Variants in SERINC1 observed in about 807,000 individuals in gnomAD.
SERINC1 encodes the protein tumor differentially expressed protein 2.
Under a neutral mutation model 52.9 loss-of-function variants are expected in SERINC1, and 38 were observed. That is an observed-to-expected ratio of 0.72 (90% CI 0.55 to 0.94). SERINC1 has a LOEUF of 0.94. Ranked by LOEUF, SERINC1 falls within the 40% of genes least tolerant of loss-of-function variation. SERINC1 has a pLI of 0.00. For missense variants in SERINC1, 471 were observed against 533.9 expected (o/e 0.88, Z 1.16); for synonymous variants, 198 against 183.1 (o/e 1.08, Z -0.66).
chr6:122,455,551 C>G (rs1774979224), intron 3 of SERINC1, among the ~76,000 whole-genome samples: 7 of 152,072 alleles, frequency 4.6e-5, no homozygotes, highest in Admixed American at 4.6e-4. Context: ...TGCAGATGGC[C>G]TATTGTGGGA....
At position 122,451,904 on chromosome 6, in the gene SERINC1, A is replaced by G. The variant is rs1384596107; in HGVS notation, c.743T>C (p.Ile248Thr). The G allele has an allele frequency of 5.7e-6, 9 of 1,571,198 alleles. No individual in the cohort carries two copies. Among genetic ancestry groups the G allele is most frequent in the Non-Finnish European group, 7.7e-6 (9 of 1,161,834 alleles). ...LLCVGASVMS[I>T]LPKIQESQPR... ...AGGGCATACTTGGATTTTTGGCAGTATAGACATTACAGAAGCACCAACGCA... is the reference window on the plus strand; with the variant it reads ...AGGGCATACTTGGATTTTTGGCAGTGTAGACATTACAGAAGCACCAACGCA... The change falls in exon 6 of 10, where the codon ATA (isoleucine) becomes ACA (threonine). Residue 248 changes from isoleucine to threonine, a missense_variant. Physicochemically the swap from Ile to Thr is moderately conservative, Grantham distance 89. Coordinates refer to ENST00000339697, the MANE Select transcript of SERINC1 (RefSeq NM_020755.4).
At chr6:122,450,523 G>C (rs529068347) in intron 7 of SERINC1, among the ~76,000 whole-genome samples, 3 of 152,074 alleles carry the variant, frequency 2.0e-5, no homozygotes, top group Non-Finnish European at 4.4e-5. Flanking sequence ...TAATTTCAAC[G>C]TTTAAATCTT....
intron 3 of SERINC1, chr6:122,454,656 G>A: frequency 6.3e-6 from 1 of 159,438 alleles, no homozygotes. Context: ...GCTCTGAGCT[G>A]ACATTGATTC....
At position 122,447,039 on chromosome 6, in the gene SERINC1, A is replaced by C. The variant is rs1362291161; in HGVS notation, c.996-35T>G. The stretch of plus-strand genomic sequence containing the variant: ...AGAGAGTTTAGGAGGAGAGAAAAAA[A>C]AGAACATTTTTAAAAGAAATGATTC... On this transcript the variant is annotated intron_variant, in intron 8 of 9. Transcript: ENST00000339697. 2.5e-6 allele frequency: 4 copies of C among 1,581,820 alleles called. No homozygotes were observed. In the South Asian group the frequency reaches 4.5e-5, roughly 18 times the overall value.
chr6:122,452,194 AG>A, intron 5 of SERINC1, 137 bp from the exon 6 acceptor site: 1 of 524,954 alleles, frequency 1.9e-6, no homozygotes, highest in Middle Eastern at 5.3e-4. Context: ...AGCATTATAA[AG>A]GCTATAAAAG....
At chr6:122,457,436 T>C (rs1286630937) in intron 2 of SERINC1, among the ~76,000 whole-genome samples, 2 of 152,196 alleles carry the variant, frequency 1.3e-5, no homozygotes, top group Non-Finnish European at 2.9e-5. Context: ...TCATGTTTTC[T>C]ACTTACTGCT....
At chr6:122,446,733 T>A in intron 9 of SERINC1, 41 bp downstream of exon 9, 1 of 1,314,718 alleles carries the variant, frequency 7.6e-7, no homozygotes, top group Non-Finnish European at 1.1e-6. Context: ...TAAAATGCCA[T>A]CAGAATTCAC....
At chr6:122,462,725 C>T (rs747603835) in intron 1 of SERINC1, among the ~76,000 whole-genome samples, 8 of 152,104 alleles carry the variant, frequency 5.3e-5, no homozygotes, top group South Asian at 2.1e-4. Flanking sequence ...CATGTTTCTA[C>T]GTATTAGTAA....
intron 5 of SERINC1, among the ~76,000 whole-genome samples, chr6:122,452,394 A>G (rs1774927016): frequency 6.6e-6 from 1 of 152,224 alleles, no homozygotes; most frequent in African/African-American, 2.4e-5. Flanking sequence ...AATAACTATA[A>G]GAGGAATATT....
chr6:122,467,564 G>A (rs144094079), intron 1 of SERINC1, among the ~76,000 whole-genome samples: 12 of 152,154 alleles, frequency 7.9e-5, no homozygotes, highest in African/African-American at 2.4e-4. Flanking sequence ...CTGAGATCGC[G>A]CCACTGCACT....
intron 7 of SERINC1, 80 bp downstream of exon 7, chr6:122,451,584 T>C (rs1582631329): frequency 1.9e-6 from 1 of 534,192 alleles, no homozygotes; most frequent in East Asian, 4.5e-5. Context: ...TTTTAAGTAA[T>C]TTAATCTCAC....
Position 122,458,736 on chromosome 6 carries a change from C to T in SERINC1, c.40-55G>A, listed in dbSNP as rs893703283. On this transcript the variant is annotated intron_variant, in intron 1 of 9. Coordinates refer to ENST00000339697, the MANE Select transcript of SERINC1 (RefSeq NM_020755.4). ...ATTAAGAATCAGTAAATCACTATAT[C>T]TTAAAATGATACAATGAAAATTGAC... The T allele has an allele frequency of 3.4e-6, 4 of 1,193,938 alleles. No individual in the cohort carries two copies. The Admixed American group carries it at 9.0e-5, about 27-fold the overall frequency. 74.0% of individuals were successfully genotyped at this position (1,193,938 alleles called of 1,614,324 possible). A position where few individuals can be genotyped will look rare whatever the true frequency, so the allele number is the denominator to read the frequency against.
At chr6:122,460,460 A>T (rs1013405514) in intron 1 of SERINC1, among the ~76,000 whole-genome samples, 2 of 152,192 alleles carry the variant, frequency 1.3e-5, no homozygotes, top group Non-Finnish European at 2.9e-5. Context: ...AAACTTTGTA[A>T]TCCATGAGGC....
intron 4 of SERINC1, 82 bp downstream of exon 4, chr6:122,454,065 GACAA>G: frequency 8.5e-7 from 1 of 1,178,886 alleles, no homozygotes; most frequent in Non-Finnish European, 1.2e-6. Flanking sequence ...CAAACAAAAA[GACAA>G]ACAATTATAG....
chr6:122,444,939 A>G lies in SERINC1; in HGVS notation c.*105T>C, dbSNP rs1774757764. ...AATCTAATTCATGCCAGAACACTGG[A>G]GAAGTTACATGGGAAGCAAAAACAT... On this transcript the variant is annotated 3_prime_UTR_variant, in exon 10 of 10. Transcript: ENST00000339697. 9.5e-7 allele frequency: 1 copy of G among 1,056,382 alleles called. No individual in the cohort carries two copies. The highest frequency in any genetic ancestry group is 1.4e-6 in the Non-Finnish European group (1 of 729,088). The allele number at this position is 1,056,382 out of a possible 1,614,324, so 65.4% of individuals were successfully genotyped here. A position where few individuals can be genotyped will look rare whatever the true frequency, so the allele number is the denominator to read the frequency against.
chr6:122,456,662 A>G lies in SERINC1; in HGVS notation c.202-12T>C. ...CAAAATCCAGGAATCTAGAAAAACA[A>G]AAGAGTTTATGATCCATCATTTTTT... On this transcript the variant is annotated splice_polypyrimidine_tract_variant and intron_variant, in intron 2 of 9. Coordinates refer to ENST00000339697, the MANE Select transcript of SERINC1 (RefSeq NM_020755.4). The G allele has an allele frequency of 1.9e-6, 3 of 1,560,508 alleles. No homozygotes were observed. Among genetic ancestry groups the G allele is most frequent in the Non-Finnish European group, 2.6e-6 (3 of 1,158,778 alleles).
chr6:122,455,546 A>AT lies in SERINC1; in HGVS notation c.371+934dup, dbSNP rs141063301. On this transcript the variant is annotated intron_variant, in intron 3 of 9. Coordinates refer to ENST00000339697, the MANE Select transcript of SERINC1 (RefSeq NM_020755.4). The stretch of plus-strand genomic sequence containing the variant: ...GCTCTCCTTGCTCCTCAGCTTGCAG[A>AT]TGGCCTATTGTGGGACCTTGAGATC... Among the ~76,000 whole-genome samples the AT allele has an allele frequency of 5.0e-3, 755 of 152,214 alleles. 7 individuals are homozygous for AT. Among genetic ancestry groups the AT allele is most frequent in the African/African-American group, 0.017 (713 of 41,524 alleles).
At chr6:122,468,942 C>T (rs1474078318) in intron 1 of SERINC1, among the ~76,000 whole-genome samples, 1 of 151,984 alleles carries the variant, frequency 6.6e-6, no homozygotes, top group Admixed American at 6.6e-5. Context: ...AATGTTGAGA[C>T]TGGGATGGGG....
intron 9 of SERINC1, 73 bp from the exon 10 acceptor site, chr6:122,445,252 A>G (rs564801213): frequency 2.1e-6 from 3 of 1,434,662 alleles, no homozygotes; most frequent in African/African-American, 1.4e-5. Flanking sequence ...ATGAAGCTTC[A>G]TTAATTCAGA....
Sources: allele counts gnomAD v4.1 joint callset (sites outside exome capture counted in the v4.1 genomes callset), GRCh38; gene constraint gnomAD v4.1.1; transcripts MANE v1.5; gene names NCBI Gene and HGNC (gene_info 2026-07-23, HGNC 2026-07-21).